Variants in SPRED1 observed in about 807,000 individuals in gnomAD.
SPRED1 encodes the protein sprouty related EVH1 domain containing 1, also known as sprouty-related, EVH1 domain-containing protein 1.
In SPRED1, 18 loss-of-function variants were observed where a neutral mutation model predicts 52.3. The observed-to-expected ratio is 0.34, with a 90% CI of 0.24 to 0.51. The LOEUF (loss-of-function observed/expected upper bound fraction) is 0.51, where lower values mean the gene tolerates loss of function less well. SPRED1 is among the 20% of genes least tolerant of loss of function. The pLI is 0.97. For synonymous variants in SPRED1, 155 were observed against 179.7 expected (o/e 0.86, Z 1.10); for missense variants, 485 against 551.0 (o/e 0.88, Z 1.20).
chr15:38,255,025 T>G (rs1032072017), intron 1 of SPRED1, among the ~76,000 whole-genome samples: 3 of 152,232 alleles, frequency 2.0e-5, no homozygotes, highest in African/African-American at 7.2e-5. Context: ...TCTCCTTGTT[T>G]CCTTCTGGTT....
chr15:38,340,005 A>G (rs765811886), intron 5 of SPRED1, 110 bp downstream of exon 5: 1 of 1,340,496 alleles, frequency 7.5e-7, no homozygotes, highest in Non-Finnish European at 1.0e-6. Context: ...ACAGTAAACA[A>G]ACAAACAAAA....
intron 2 of SPRED1, among the ~76,000 whole-genome samples, chr15:38,301,522 T>TA (rs978467921): frequency 6.6e-6 from 1 of 152,100 alleles, no homozygotes; most frequent in African/African-American, 2.4e-5. Context: ...CCATATTTCT[T>TA]AGAGGGATTA....
At chr15:38,295,894 G>A (rs979797896) in intron 1 of SPRED1, among the ~76,000 whole-genome samples, 5 of 142,340 alleles carry the variant, frequency 3.5e-5, no homozygotes, top group African/African-American at 1.3e-4. Context: ...TGCATCTATA[G>A]TACAATATTA....
intron 2 of SPRED1, among the ~76,000 whole-genome samples, chr15:38,308,505 C>T (rs1189671089): frequency 1.3e-5 from 2 of 152,168 alleles, no homozygotes; most frequent in Non-Finnish European, 2.9e-5. Context: ...CATCTATTTC[C>T]GTTTTTGCCA....
chr15:38,288,494 A>G (rs959795988), intron 1 of SPRED1, among the ~76,000 whole-genome samples: 3 of 152,198 alleles, frequency 2.0e-5, no homozygotes, highest in Non-Finnish European at 2.9e-5. Context: ...AGTGGAGAGA[A>G]GGTGGATGGA....
intron 1 of SPRED1, among the ~76,000 whole-genome samples, chr15:38,276,541 A>G (rs773021989): frequency 7.2e-5 from 11 of 152,166 alleles, no homozygotes; most frequent in Admixed American, 1.3e-4. Flanking sequence ...TTCTCACAGT[A>G]GCTTCATGAG....
At chr15:38,275,533 T>C (rs529917683) in intron 1 of SPRED1, among the ~76,000 whole-genome samples, 1 of 152,322 alleles carries the variant, frequency 6.6e-6, no homozygotes, top group South Asian at 2.1e-4. Context: ...AATCTTGCTC[T>C]GTCTCCCAGG....
intron 5 of SPRED1, among the ~76,000 whole-genome samples, chr15:38,341,525 A>G (rs1177355244): frequency 6.6e-6 from 1 of 152,010 alleles, no homozygotes; most frequent in Non-Finnish European, 1.5e-5. Context: ...TTTAATGGAA[A>G]ATTTTAGACA....
intron 4 of SPRED1, among the ~76,000 whole-genome samples, chr15:38,333,881 A>G (rs149084974): frequency 4.9e-4 from 74 of 152,248 alleles, no homozygotes; most frequent in Non-Finnish European, 5.7e-4. Context: ...AATAAATTGT[A>G]GTGTTCTTAT....
intron 1 of SPRED1, among the ~76,000 whole-genome samples, chr15:38,259,473 T>G (rs1266762243): frequency 2.6e-5 from 4 of 152,190 alleles, no homozygotes; most frequent in African/African-American, 7.2e-5. Context: ...CTCAAATTCC[T>G]TGGCTCAAGT....
intron 1 of SPRED1, among the ~76,000 whole-genome samples, chr15:38,276,210 GTTT>G (rs536478144): frequency 2.5e-5 from 3 of 121,214 alleles, no homozygotes; most frequent in African/African-American, 5.9e-5. Flanking sequence ...TGCTGTGAAT[GTTT>G]TTTTTTTTTT....
chr15:38,305,803 C>T (rs1036127178), intron 2 of SPRED1, among the ~76,000 whole-genome samples: 1 of 152,102 alleles, frequency 6.6e-6, no homozygotes. Flanking sequence ...TTATGTTAAA[C>T]TATATAAGAT....
At chr15:38,328,100 C>T (rs1258054213) in intron 4 of SPRED1, among the ~76,000 whole-genome samples, 3 of 152,082 alleles carry the variant, frequency 2.0e-5, no homozygotes, top group African/African-American at 7.2e-5. Flanking sequence ...CATAATTCAT[C>T]TTATGGGCTT....
intron 3 of SPRED1, among the ~76,000 whole-genome samples, chr15:38,322,868 T>C (rs1595747125): frequency 1.3e-5 from 2 of 152,290 alleles, no homozygotes; most frequent in Admixed American, 1.3e-4. Flanking sequence ...ATTTCATTAT[T>C]GAGGATTGGC....
chr15:38,263,930 C>T (rs4924230), intron 1 of SPRED1, among the ~76,000 whole-genome samples: 13,813 of 152,208 alleles, frequency 0.091, 756 homozygotes, highest in East Asian at 0.21. Flanking sequence ...GTTGGATGAG[C>T]TTGCTGTAGA....
At chr15:38,342,014 A>G (rs187684417) in intron 5 of SPRED1, among the ~76,000 whole-genome samples, 3 of 141,826 alleles carry the variant, frequency 2.1e-5, no homozygotes, top group East Asian at 2.1e-4. Flanking sequence ...TAAACCATAT[A>G]TAGTTGGGTT....
chr15:38,258,105 A>G (rs1250934835), intron 1 of SPRED1, among the ~76,000 whole-genome samples: 1 of 152,246 alleles, frequency 6.6e-6, no homozygotes, highest in Non-Finnish European at 1.5e-5. Flanking sequence ...CTCTAAAGTG[A>G]GTAATAATTT....
chr15:38,271,971 A>G (rs946237428), intron 1 of SPRED1, among the ~76,000 whole-genome samples: 3 of 152,160 alleles, frequency 2.0e-5, no homozygotes, highest in South Asian at 2.1e-4. Context: ...GGAGTACCCA[A>G]TATTTGGCTC....
At chr15:38,350,863 C>G (rs1271060478) in intron 6 of SPRED1, 151 bp from the exon 7 acceptor site, 1 of 812,590 alleles carries the variant, frequency 1.2e-6, no homozygotes, top group African/African-American at 1.7e-5. Flanking sequence ...TCATAGTCCA[C>G]CAACTGAAAT....
Sources: gnomAD v4.1 joint callset for allele counts (sites outside exome capture counted in the v4.1 genomes callset) on GRCh38, gnomAD v4.1.1 for gene constraint, MANE v1.5 for transcripts, NCBI Gene and HGNC (gene_info 2026-07-23, HGNC 2026-07-21) for gene names.